Variants in ODAD4 observed in about 807,000 individuals in gnomAD.
ODAD4 encodes the protein outer dynein arm-docking complex subunit 4.
A neutral mutation model predicts 51.8 loss-of-function variants in ODAD4; 49 were observed. The ratio of observed to expected loss-of-function variants is 0.95; its 90% CI spans 0.75 to 1.20. ODAD4 has a LOEUF of 1.20. Among genes scored for constraint, ODAD4 ranks in the 50% most tolerant of loss-of-function variants. ODAD4 has a pLI of 0.00. For synonymous variants in ODAD4, 235 were observed against 221.3 expected (o/e 1.06, Z -0.55); for missense variants, 590 against 586.5 (o/e 1.01, Z -0.06).
intron 7 of ODAD4, among the ~76,000 whole-genome samples, chr17:41,940,216 T>A (rs1455272683): frequency 6.6e-6 from 1 of 152,082 alleles, no homozygotes; most frequent in East Asian, 1.9e-4. Flanking sequence ...CCGACCTGAG[T>A]CCTGCTGCTT....
intron 9 of ODAD4, 56 bp downstream of exon 9, chr17:41,949,405 C>T (rs2050626430): frequency 2.5e-6 from 1 of 398,320 alleles, no homozygotes; most frequent in Non-Finnish European, 4.4e-6. Context: ...CCAGCTCACA[C>T]CAGGGCTAGG....
intron 1 of ODAD4, 42 bp downstream of exon 1, chr17:41,930,879 C>T: frequency 4.2e-6 from 1 of 240,240 alleles, no homozygotes; most frequent in South Asian, 4.2e-5. Flanking sequence ...CATCACCCGT[C>T]ACTTTTTTTT....
At chr17:41,944,433 CACACACACA>C (rs2050554658) in intron 7 of ODAD4, among the ~76,000 whole-genome samples, 23 of 5,766 alleles carry the variant, frequency 4.0e-3, no homozygotes, top group East Asian at 0.019. Flanking sequence ...CACACACACA[CACACACACA>C]CACCCCCCCG....
At chr17:41,957,418 C>G (rs1337973548) in intron 10 of ODAD4, among the ~76,000 whole-genome samples, 1 of 152,138 alleles carries the variant, frequency 6.6e-6, no homozygotes, top group African/African-American at 2.4e-5. Flanking sequence ...CTAATGCCGC[C>G]ACTGATCTGA....
At chr17:41,957,261 A>G (rs1374258271) in intron 10 of ODAD4, among the ~76,000 whole-genome samples, 1 of 152,116 alleles carries the variant, frequency 6.6e-6, no homozygotes, top group Non-Finnish European at 1.5e-5. Flanking sequence ...TGCAGAAGAC[A>G]GTTTTTCCAT....
At chr17:41,961,515 T>G in intron 11 of ODAD4, 49 bp downstream of exon 11, 1 of 717,276 alleles carries the variant, frequency 1.4e-6, no homozygotes, top group Non-Finnish European at 2.6e-6. Context: ...CTCCCTCTGC[T>G]TTCTTTTCCT....
intron 11 of ODAD4, among the ~76,000 whole-genome samples, chr17:41,963,399 C>A (rs2144546619): frequency 6.6e-6 from 1 of 152,198 alleles, no homozygotes; most frequent in East Asian, 1.9e-4. Flanking sequence ...GGAAACCTAT[C>A]TTTTTCCTTA....
rs142272011 is a variant in ODAD4 at position 41,954,945 on chromosome 17, A to G, written c.1343-272A>G. 2,996 of 519,918 alleles carry G rather than the reference A, an allele frequency of 5.8e-3. 14 individuals carry two copies. The highest frequency in any genetic ancestry group is 8.4e-3 in the Non-Finnish European group (2,329 of 278,184). The allele number at this position is 519,918 out of a possible 1,614,324, so 32.2% of individuals were successfully genotyped here. A position where few individuals can be genotyped will look rare whatever the true frequency, so the allele number is the denominator to read the frequency against. Reference sequence around the variant, plus strand: ...CACTCTGGAGACATATGATGTATGCACTAGACTGCACCACAGTCCCCTTCT... The same window carrying G: ...CACTCTGGAGACATATGATGTATGCGCTAGACTGCACCACAGTCCCCTTCT... On this transcript the variant is annotated intron_variant, in intron 9 of 11. Coordinates refer to ENST00000377540, the MANE Select transcript of ODAD4 (RefSeq NM_031421.5).
Position 41,949,240 on chromosome 17 carries a change from C to T in ODAD4, c.1233C>T (p.Asp411=). Residue 411 remains aspartate (D), a synonymous_variant, in exon 9 of 12, where the codon GAC becomes GAT. Coordinates refer to ENST00000377540, the MANE Select transcript of ODAD4 (RefSeq NM_031421.5). ...HEIGRCYLEL[D]QAWQAQNYGE... ...TCGGCCGCTGCTACTTGGAGCTGGA[C>T]CAGGCCTGGCAGGCCCAGAATTATG... 1 of 398,560 alleles carries T rather than the reference C, an allele frequency of 2.5e-6. No individual in the cohort carries two copies. The highest frequency in any genetic ancestry group is 6.3e-4 in the Middle Eastern group (1 of 1,588). The allele number at this position is 398,560 out of a possible 1,614,324, so 24.7% of individuals were successfully genotyped here.
intron 9 of ODAD4, among the ~76,000 whole-genome samples, chr17:41,949,969 C>G (rs1455050676): frequency 6.6e-6 from 1 of 151,762 alleles, no homozygotes; most frequent in Admixed American, 6.6e-5. Flanking sequence ...CCACCATGCC[C>G]GGCCCTGTTT....
At chr17:41,952,365 C>CA (rs140105127) in intron 9 of ODAD4, among the ~76,000 whole-genome samples, 63,136 of 87,190 alleles carry the variant, frequency 0.72, 23,256 homozygotes, top group East Asian at 0.88. Context: ...GACTCTGTAT[C>CA]AAAAAAAAAA....
rs368327335 is a variant in ODAD4 at position 41,935,555 on chromosome 17, A to G, written c.247-44A>G. The G allele has an allele frequency of 2.5e-6, 4 of 1,585,834 alleles. No individual in the cohort carries two copies. The African/African-American group carries it at 5.4e-5, about 21-fold the overall frequency. Reference sequence around the variant, plus strand: ...CTGTTCCACCACATGTGAGTCCTATAAGGCCTTATCTGTTCACATTGATTT... The same window carrying G: ...CTGTTCCACCACATGTGAGTCCTATGAGGCCTTATCTGTTCACATTGATTT... On this transcript the variant is annotated intron_variant, in intron 2 of 11. Transcript: ENST00000377540.
At chr17:41,937,017 T>C in intron 5 of ODAD4, 90 bp downstream of exon 5, 1 of 1,444,224 alleles carries the variant, frequency 6.9e-7, no homozygotes, top group Admixed American at 1.9e-5. Flanking sequence ...ACCTGTCATA[T>C]AATATTAGCT....
chr17:41,931,014 C>T (rs2144478911), intron 1 of ODAD4, among the ~76,000 whole-genome samples, 177 bp downstream of exon 1: 1 of 151,702 alleles, frequency 6.6e-6, no homozygotes, highest in East Asian at 1.9e-4. Flanking sequence ...CTGCCTCCAC[C>T]TCCCAAGTAG....
chr17:41,959,923 C>T (rs1470441673), intron 10 of ODAD4, among the ~76,000 whole-genome samples: 1 of 152,184 alleles, frequency 6.6e-6, no homozygotes, highest in Admixed American at 6.5e-5. Flanking sequence ...CACCATACGG[C>T]CCAGGGAAGC....
chr17:41,939,144 A>C lies in ODAD4; in HGVS notation c.1030A>C (p.Arg344=). 1.2e-6 allele frequency: 2 copies of C among 1,613,948 alleles called. No individual in the cohort carries two copies. The highest frequency in any genetic ancestry group is 1.7e-6 in the Non-Finnish European group (2 of 1,179,858). The part of the protein sequence containing the change: ...GQMEAALQSH[R]KDLEIAKEYD... The stretch of plus-strand genomic sequence containing the variant: ...GATGGAGGCAGCCCTGCAGAGCCAC[A>C]GAAAGGACCTGGAGATCGCCAAGGA... Residue 344 remains arginine (R), a synonymous_variant, in exon 7 of 12, where the codon AGA becomes CGA. Transcript: ENST00000377540.
intron 1 of ODAD4, among the ~76,000 whole-genome samples, chr17:41,932,317 C>CA (rs1555637038): frequency 3.3e-5 from 5 of 151,962 alleles, no homozygotes; most frequent in Non-Finnish European, 7.4e-5. Flanking sequence ...GATCCCCCCC[C>CA]ACCTCAGCCT....
chr17:41,942,589 C>T (rs1372993838), intron 7 of ODAD4, among the ~76,000 whole-genome samples: 13 of 152,140 alleles, frequency 8.5e-5, no homozygotes, highest in African/African-American at 2.9e-4. Context: ...ACAGTGTGGC[C>T]CAGGGGCCAA....
Position 41,935,204 on chromosome 17 carries a change from G to A in ODAD4, c.115-13G>A. 1.2e-6 allele frequency: 2 copies of A among 1,613,760 alleles called. No homozygotes were observed. The highest frequency in any genetic ancestry group is 1.7e-6 in the Non-Finnish European group (2 of 1,179,840). On this transcript the variant is annotated splice_polypyrimidine_tract_variant and intron_variant, in intron 1 of 11. Coordinates refer to ENST00000377540, the MANE Select transcript of ODAD4 (RefSeq NM_031421.5). ...TTCATGCTGGCTGTCAACCTGACTG[G>A]TTTCTTTGTCAGGCTCTTTACCTTC...
Sources: allele counts gnomAD v4.1 joint callset (sites outside exome capture counted in the v4.1 genomes callset), GRCh38; gene constraint gnomAD v4.1.1; transcripts MANE v1.5; gene names NCBI Gene and HGNC (gene_info 2026-07-23, HGNC 2026-07-21).